ARL15: variants seen among roughly 807,000 people sequenced by gnomAD.
ARL15 encodes the protein ADP-ribosylation factor-like protein 15.
In ARL15, 19 loss-of-function variants were observed where a neutral mutation model predicts 25.2. The observed-to-expected ratio is 0.75, with a 90% CI of 0.53 to 1.10. ARL15 has a LOEUF of 1.10. Among genes scored for constraint, ARL15 ranks in the 50% least tolerant of loss-of-function variants. The pLI, the probability that ARL15 is intolerant of heterozygous loss-of-function variation, is 0.00. For synonymous variants in ARL15, 94 were observed against 86.8 expected (o/e 1.08, Z -0.46); for missense variants, 220 against 246.0 (o/e 0.89, Z 0.71).
chr5:54,200,345 AAAAT>A (rs1426065794), intron 1 of ARL15, among the ~76,000 whole-genome samples: 5 of 151,048 alleles, frequency 3.3e-5, no homozygotes, highest in African/African-American at 4.8e-5. Context: ...AAAAAATTTA[AAAAT>A]AAATAAATAA....
chr5:54,238,004 G>A (rs183848906), intron 1 of ARL15, among the ~76,000 whole-genome samples: 4 of 152,206 alleles, frequency 2.6e-5, no homozygotes, highest in South Asian at 2.1e-4. Flanking sequence ...ACCAGAGGAC[G>A]TTTACTATAA....
At chr5:54,039,876 T>C (rs1447306613) in intron 4 of ARL15, among the ~76,000 whole-genome samples, 1 of 151,918 alleles carries the variant, frequency 6.6e-6, no homozygotes, top group Admixed American at 6.6e-5. Context: ...GAAATTTATT[T>C]TGAAAAACGT....
At chr5:53,979,413 C>T (rs2111581121) in intron 4 of ARL15, among the ~76,000 whole-genome samples, 1 of 152,102 alleles carries the variant, frequency 6.6e-6, no homozygotes, top group East Asian at 1.9e-4. Flanking sequence ...GTGGTATGTG[C>T]CTGTAGTCCC....
At position 54,057,297 on chromosome 5, in the gene ARL15, C is replaced by G. The variant is rs10036830; in HGVS notation, c.462+55905G>C. Among the ~76,000 whole-genome samples, 1,346 of 152,282 alleles carry G rather than the reference C, an allele frequency of 8.8e-3. 26 individuals are homozygous for G. Among genetic ancestry groups the G allele is most frequent in the African/African-American group, 0.031 (1,288 of 41,566 alleles). Reference sequence around the variant, plus strand: ...TCTGTCTGATATTCCTGGAGCAGAGCTGAAGAAAATAAATGTTCTTTCTGA... The same window carrying G: ...TCTGTCTGATATTCCTGGAGCAGAGGTGAAGAAAATAAATGTTCTTTCTGA... On this transcript the variant is annotated intron_variant, in intron 4 of 4. Coordinates refer to ENST00000504924, the MANE Select transcript of ARL15 (RefSeq NM_019087.3).
chr5:54,290,371 C>T (rs943650596), intron 1 of ARL15, among the ~76,000 whole-genome samples: 2 of 150,046 alleles, frequency 1.3e-5, no homozygotes, highest in African/African-American at 2.5e-5. Flanking sequence ...GGCACGATCT[C>T]GGCTCGCTGC....
At chr5:54,011,964 G>A (rs899135525) in intron 4 of ARL15, among the ~76,000 whole-genome samples, 12 of 151,912 alleles carry the variant, frequency 7.9e-5, no homozygotes, top group African/African-American at 2.2e-4. Flanking sequence ...AGCTGAGATC[G>A]CGCCACTGCA....
chr5:54,067,377 C>T (rs894609447), intron 4 of ARL15, among the ~76,000 whole-genome samples: 2 of 152,100 alleles, frequency 1.3e-5, no homozygotes, highest in African/African-American at 4.8e-5. Flanking sequence ...ACTATTTGTA[C>T]TAACAGATTA....
At position 54,123,405 on chromosome 5, in the gene ARL15, G is replaced by A. The variant is rs184829972; in HGVS notation, c.254-9995C>T. On this transcript the variant is annotated intron_variant, in intron 3 of 4. Transcript: ENST00000504924. ...ATTACAGGCGTGAGCCAACGCACCC[G>A]GCTCCTTTTATATTTCTTATCTGAA... Among the ~76,000 whole-genome samples the A allele has an allele frequency of 2.1e-3, 323 of 152,170 alleles. 1 individual carries two copies. The highest frequency in any genetic ancestry group is 7.4e-3 in the African/African-American group (309 of 41,516).
intron 4 of ARL15, among the ~76,000 whole-genome samples, chr5:54,020,083 AT>A (rs558989572): frequency 3.9e-5 from 6 of 152,264 alleles, no homozygotes; most frequent in Non-Finnish European, 8.8e-5. Flanking sequence ...AAAAGTAAAC[AT>A]ATGAAGTATT....
At chr5:54,152,250 G>C (rs1754088444) in intron 3 of ARL15, among the ~76,000 whole-genome samples, 1 of 152,112 alleles carries the variant, frequency 6.6e-6, no homozygotes, top group African/African-American at 2.4e-5. Context: ...ATTTCAGCCA[G>C]TCATAATTCC....
chr5:53,963,636 T>C (rs893393850), intron 4 of ARL15, among the ~76,000 whole-genome samples: 1 of 152,044 alleles, frequency 6.6e-6, no homozygotes, highest in Non-Finnish European at 1.5e-5. Context: ...GGTGAAACCC[T>C]GTCTCTACTA....
chr5:54,186,094 T>G (rs1458398887), intron 1 of ARL15, among the ~76,000 whole-genome samples: 4 of 151,456 alleles, frequency 2.6e-5, no homozygotes, highest in African/African-American at 9.6e-5. Context: ...TACTGGTCTA[T>G]TCTAACAGTT....
intron 1 of ARL15, among the ~76,000 whole-genome samples, chr5:54,236,642 C>T (rs1756818526): frequency 6.6e-6 from 1 of 152,244 alleles, no homozygotes; most frequent in Non-Finnish European, 1.5e-5. Context: ...GGCAACACTT[C>T]TGTGAAATTC....
chr5:54,225,485 T>C (rs1161843991), intron 1 of ARL15, among the ~76,000 whole-genome samples: 1 of 152,124 alleles, frequency 6.6e-6, no homozygotes, highest in Non-Finnish European at 1.5e-5. Context: ...AAGATACTAC[T>C]TGGCCAGAGG....
intron 4 of ARL15, among the ~76,000 whole-genome samples, chr5:54,051,035 C>T (rs1274710098): frequency 3.3e-5 from 5 of 152,088 alleles, no homozygotes; most frequent in Admixed American, 2.0e-4. Context: ...ACTCAGAGAC[C>T]CATGAATGTA....
At chr5:53,964,559 A>T (rs561780563) in intron 4 of ARL15, among the ~76,000 whole-genome samples, 69 of 152,158 alleles carry the variant, frequency 4.5e-4, no homozygotes, top group African/African-American at 1.5e-3. Context: ...ACGGGGCTTC[A>T]CCGTGTTAGC....
At position 54,244,435 on chromosome 5, in the gene ARL15, G is replaced by A; in HGVS notation, c.48+65997C>T. 1.3e-5 allele frequency among the ~76,000 whole-genome samples: 2 copies of A among 152,078 alleles called. 1 individual carries two copies. The highest frequency in any genetic ancestry group is 6.3e-3 in the Middle Eastern group (2 of 316). On this transcript the variant is annotated intron_variant, in intron 1 of 4. Coordinates refer to ENST00000504924, the MANE Select transcript of ARL15 (RefSeq NM_019087.3). ...GTAGGAAGTATGGAACAGAACTACT[G>A]AACAAAATGAATGTATTTTAATACC...
intron 1 of ARL15, among the ~76,000 whole-genome samples, chr5:54,255,998 C>A (rs1341348965): frequency 4.0e-5 from 6 of 151,654 alleles, no homozygotes; most frequent in African/African-American, 1.5e-4. Flanking sequence ...CCTAACATCA[C>A]ACCTCAAGGA....
intron 4 of ARL15, among the ~76,000 whole-genome samples, chr5:53,996,896 A>C (rs983907284): frequency 2.6e-5 from 4 of 152,168 alleles, no homozygotes; most frequent in Non-Finnish European, 4.4e-5. Flanking sequence ...GGATGGACAC[A>C]GGCTCAACAT....
Sources: allele counts gnomAD v4.1 joint callset (sites outside exome capture counted in the v4.1 genomes callset), GRCh38; gene constraint gnomAD v4.1.1; transcripts MANE v1.5; gene names NCBI Gene and HGNC (gene_info 2026-07-23, HGNC 2026-07-21).